Variants in ADGRG3 observed in about 807,000 individuals in gnomAD.
ADGRG3 encodes the protein adhesion G protein-coupled receptor G3, also known as G protein-coupled receptor 97.
In ADGRG3, 39 loss-of-function variants were observed where a neutral mutation model predicts 54.3. The ratio of observed to expected loss-of-function variants is 0.72; its 90% CI spans 0.56 to 0.94. The LOEUF (loss-of-function observed/expected upper bound fraction) is 0.94. ADGRG3 is among the 40% of genes least tolerant of loss of function. ADGRG3 has a pLI of 0.00. For synonymous variants in ADGRG3, 312 were observed against 290.0 expected, an observed-to-expected ratio of 1.08 and a Z score of -0.77; for missense variants, 654 against 694.6, an observed-to-expected ratio of 0.94 and a Z score of 0.66.
In ADGRG3 at chr16:57,685,803, C is replaced by G. The variant is rs145543858; in HGVS notation, c.1417C>G (p.Arg473Gly). ...ATAVKERGKN[R>G]KKVLTLLGLS... The stretch of plus-strand genomic sequence containing the variant: ...AGCGGTCAAGGAGCGGGGGAAGAAC[C>G]GGAAGAAGGTGCTCACCCTGCTGGG... The change falls in exon 11 of 12, where the codon CGG (arginine) becomes GGG (glycine). Residue 473 changes from arginine to glycine, a missense_variant. Transcript: ENST00000333493. 2 of 1,614,156 alleles carry G rather than the reference C, an allele frequency of 1.2e-6. No homozygotes were observed. Among genetic ancestry groups the G allele is most frequent in the Non-Finnish European group, 1.7e-6 (2 of 1,180,034 alleles).
rs138710313 is a variant in ADGRG3, at chr16:57,673,361, G to C, written c.99G>C (p.Leu33=). 826 of 1,613,850 alleles carry C rather than the reference G, an allele frequency of 5.1e-4. 2 individuals are homozygous for C. The highest frequency in any genetic ancestry group is 1.1e-3 in the South Asian group (104 of 91,082). Reference sequence around the variant, plus strand: ...CCGAAGGGCCAAGAAACACCTGCCTGGGGAGCAACAACATGTACGACATCT... The same window carrying C: ...CCGAAGGGCCAAGAAACACCTGCCTCGGGAGCAACAACATGTACGACATCT... ...KPTEGPRNTC[L]GSNNMYDIFN... is the part of the protein sequence containing the mutation. The change falls in exon 2 of 12, where the codon CTG becomes CTC. Residue 33 remains leucine (L), a synonymous_variant. Transcript: ENST00000333493.
At chr16:57,678,368 C>T (rs1343594871) in intron 4 of ADGRG3, 52 bp downstream of exon 4, 4 of 1,579,284 alleles carry the variant, frequency 2.5e-6, no homozygotes, top group Non-Finnish European at 3.5e-6. Flanking sequence ...CTGGGGGCTC[C>T]ATGCCACAGT....
chr16:57,679,222 C>A lies in ADGRG3; in HGVS notation c.538C>A (p.Arg180Ser). 2 of 1,613,988 alleles carry A rather than the reference C, an allele frequency of 1.2e-6. No individual in the cohort carries two copies. Among genetic ancestry groups the A allele is most frequent in the South Asian group, 1.1e-5 (1 of 91,078 alleles). The change falls in exon 5 of 12, where the codon CGC (arginine) becomes AGC (serine). Residue 180 changes from arginine (R) to serine (S), a missense_variant. Physicochemically the swap from Arg to Ser is moderately radical, Grantham distance 110. Coordinates refer to ENST00000333493, the MANE Select transcript of ADGRG3 (RefSeq NM_170776.5). ...AGATGGCAGCGGCGTGTTGAACAAT[C>A]GCCTGGTGGGTTTGAGTGTGGGACA... ...LGDGSGVLNN[R>S]LVGLSVGQMH...
At position 57,685,877 on chromosome 16, in the gene ADGRG3, G is replaced by T. The variant is rs150564489; in HGVS notation, c.1491G>T (p.Pro497=). The T allele has an allele frequency of 1.2e-6, 2 of 1,614,104 alleles. No homozygotes were observed. The highest frequency in any genetic ancestry group is 1.1e-5 in the South Asian group (1 of 91,078). The part of the protein sequence containing the change: ...GVTWGLAIFT[P]LGLSTVYIFA... ...CATGGGGGTTGGCCATCTTCACCCC[G>T]TTGGGCCTCTCCACCGTCTACATCT... The change falls in exon 11 of 12, where the codon CCG becomes CCT. Residue 497 remains proline, a synonymous_variant. Transcript: ENST00000333493.
chr16:57,671,986 CT>C (rs1222546977), intron 1 of ADGRG3, among the ~76,000 whole-genome samples: 2 of 152,014 alleles, frequency 1.3e-5, no homozygotes, highest in Non-Finnish European at 2.9e-5. Context: ...CAGCAAAACC[CT>C]GTCTCTAAAA....
intron 1 of ADGRG3, among the ~76,000 whole-genome samples, chr16:57,671,786 G>A (rs537018253): frequency 3.0e-4 from 45 of 152,242 alleles, no homozygotes; most frequent in Admixed American, 9.2e-4. Flanking sequence ...AGAGGGGACC[G>A]GTTAAAAAAG....
At chr16:57,671,352 T>C (rs1237415635) in intron 1 of ADGRG3, among the ~76,000 whole-genome samples, 11 of 148,222 alleles carry the variant, frequency 7.4e-5, no homozygotes, top group Admixed American at 1.3e-4. Context: ...TTTTTTTTTT[T>C]TTTTTCGAGA....
At chr16:57,680,729 C>T (rs2048353112) in intron 8 of ADGRG3, 112 bp downstream of exon 8, 38 of 709,154 alleles carry the variant, frequency 5.4e-5, no homozygotes, top group South Asian at 5.1e-4. Flanking sequence ...CCCCTCCACA[C>T]GTTAGTGTCC....
At chr16:57,683,127 G>A (rs533249725) in intron 8 of ADGRG3, among the ~76,000 whole-genome samples, 3 of 152,218 alleles carry the variant, frequency 2.0e-5, no homozygotes, top group Non-Finnish European at 2.9e-5. Flanking sequence ...TGGGGAGCAG[G>A]GAAAGGCATT....
chr16:57,676,461 A>G (rs796966672), intron 3 of ADGRG3, 123 bp downstream of exon 3: 13 of 876,994 alleles, frequency 1.5e-5, no homozygotes, highest in African/African-American at 1.3e-4. Flanking sequence ...CCACGTCCCA[A>G]TTGGCAGAGC....
intron 8 of ADGRG3, 141 bp downstream of exon 8, chr16:57,680,758 G>C: frequency 1.6e-6 from 1 of 644,346 alleles, no homozygotes; most frequent in Non-Finnish European, 2.8e-6. Context: ...AAATGGGGTT[G>C]GGGGTTGAAA....
At chr16:57,672,567 C>A (rs536025318) in intron 1 of ADGRG3, among the ~76,000 whole-genome samples, 1 of 152,160 alleles carries the variant, frequency 6.6e-6, no homozygotes, top group Non-Finnish European at 1.5e-5. Flanking sequence ...ATTTTGCTGG[C>A]AAAAGATTGA....
At chr16:57,676,493 A>G (rs1483159842) in intron 3 of ADGRG3, among the ~76,000 whole-genome samples, 155 bp downstream of exon 3, 1 of 152,190 alleles carries the variant, frequency 6.6e-6, no homozygotes, top group African/African-American at 2.4e-5. Flanking sequence ...AATGAGCTCT[A>G]AGATTCCTCC....
Position 57,675,672 on chromosome 16 carries a change from A to C in ADGRG3, c.207-528A>C, listed in dbSNP as rs548266322. 2.0e-5 allele frequency among the ~76,000 whole-genome samples: 3 copies of C among 152,300 alleles called. 1 individual carries two copies. In the South Asian group the frequency reaches 6.2e-4, roughly 32 times the overall value. On this transcript the variant is annotated intron_variant, in intron 2 of 11. Coordinates refer to ENST00000333493, the MANE Select transcript of ADGRG3 (RefSeq NM_170776.5). ...AATACTGATACATGCTACAACATAG[A>C]TGAACCCTGAAAACATTATGCTGAG...
chr16:57,686,020 C>T, intron 11 of ADGRG3, 94 bp downstream of exon 11: 1 of 1,270,516 alleles, frequency 7.9e-7, no homozygotes, highest in Non-Finnish European at 1.1e-6. Flanking sequence ...AGACACAGGA[C>T]TCTGTTCAGG....
Position 57,685,884 on chromosome 16 carries a change from C to T in ADGRG3, c.1498C>T (p.Leu500Phe). The change falls in exon 11 of 12, where the codon CTC (leucine) becomes TTC (phenylalanine). Residue 500 changes from leucine to phenylalanine, a missense_variant. Coordinates refer to ENST00000333493, the MANE Select transcript of ADGRG3 (RefSeq NM_170776.5). ...WGLAIFTPLG[L>F]STVYIFALFN... ...GTTGGCCATCTTCACCCCGTTGGGC[C>T]TCTCCACCGTCTACATCTTTGCACT... 6.2e-7 allele frequency: 1 copy of T among 1,614,120 alleles called. No homozygotes were observed. The highest frequency in any genetic ancestry group is 1.1e-5 in the South Asian group (1 of 91,078).
At chr16:57,673,799 C>G (rs1271715645) in intron 2 of ADGRG3, among the ~76,000 whole-genome samples, 1 of 152,120 alleles carries the variant, frequency 6.6e-6, no homozygotes, top group Non-Finnish European at 1.5e-5. Flanking sequence ...GGGAAGTTGG[C>G]CAAGGCTTCA....
intron 2 of ADGRG3, among the ~76,000 whole-genome samples, chr16:57,674,272 G>A (rs2048217509): frequency 6.6e-6 from 1 of 152,098 alleles, no homozygotes; most frequent in South Asian, 2.1e-4. Context: ...TTGGGGAGAT[G>A]ATACGATGTA....
Position 57,688,720 on chromosome 16 carries a change from T to A in ADGRG3, c.*259T>A, listed in dbSNP as rs2048520508. On this transcript the variant is annotated 3_prime_UTR_variant, in exon 12 of 12. Coordinates refer to ENST00000333493, the MANE Select transcript of ADGRG3 (RefSeq NM_170776.5). ...ACCCCCTGCCAGCAAAGAGTGACAG[T>A]CACCTCCATGCCCTGCCCTCATTGC... is the stretch of plus-strand genomic sequence containing the variant. 2.2e-6 allele frequency: 1 copy of A among 451,732 alleles called. No homozygotes were observed. The highest frequency in any genetic ancestry group is 4.1e-6 in the Non-Finnish European group (1 of 245,846). The allele number at this position is 451,732 out of a possible 1,614,324, so 28.0% of individuals were successfully genotyped here.
Sources: gnomAD v4.1 joint callset for allele counts (sites outside exome capture counted in the v4.1 genomes callset) on GRCh38, gnomAD v4.1.1 for gene constraint, MANE v1.5 for transcripts, NCBI Gene and HGNC (gene_info 2026-07-23, HGNC 2026-07-21) for gene names.